KANK1: variants seen among roughly 807,000 people sequenced by gnomAD.
KANK1 encodes KN motif and ankyrin repeat domain-containing protein 1.
KANK1 carries 109 observed loss-of-function variants against 106.2 expected under a neutral mutation model. That is an observed-to-expected ratio of 1.03 (90% CI 0.88 to 1.20). KANK1 has a LOEUF of 1.20. Among genes scored for constraint, KANK1 ranks in the 50% most tolerant of loss-of-function variants. KANK1 has a pLI of 0.00. For synonymous variants in KANK1, 873 were observed against 652.2 expected (o/e 1.34, Z -5.16); for missense variants, 2,399 against 1,710.7 (o/e 1.40, Z -7.10).
intron 1 of KANK1, among the ~76,000 whole-genome samples, chr9:641,865 G>A (rs769940276): frequency 1.3e-5 from 2 of 152,028 alleles, no homozygotes; most frequent in Admixed American, 6.6e-5. Flanking sequence ...TAAAGTATAC[G>A]ATGCAATGGT....
chr9:590,293 G>C (rs189398115), intron 1 of KANK1, among the ~76,000 whole-genome samples: 12 of 151,178 alleles, frequency 7.9e-5, no homozygotes, highest in Admixed American at 2.0e-4. Flanking sequence ...GTGAAGTGAG[G>C]AGATGATAGA....
chr9:663,769 C>T (rs1563948490), intron 1 of KANK1, among the ~76,000 whole-genome samples: 2 of 152,204 alleles, frequency 1.3e-5, no homozygotes, highest in African/African-American at 2.4e-5. Context: ...AAAGCATTTG[C>T]AGGCTCTGAG....
intron 2 of KANK1, among the ~76,000 whole-genome samples, chr9:691,611 A>ATTTTTTTCTTTT (rs1554684788): frequency 1.4e-5 from 1 of 71,082 alleles, no homozygotes; most frequent in African/African-American, 4.6e-5. Flanking sequence ...TAATACCAGA[A>ATTTTTTTCTTTT]TTTTTTTTTT....
At chr9:510,705 C>G (rs1357639840) in intron 1 of KANK1, among the ~76,000 whole-genome samples, 1 of 152,164 alleles carries the variant, frequency 6.6e-6, no homozygotes, top group Non-Finnish European at 1.5e-5. Context: ...AATAAATGAA[C>G]TAATATATAG....
intron 8 of KANK1, among the ~76,000 whole-genome samples, chr9:739,868 G>A (rs1433124343): frequency 2.6e-5 from 4 of 151,940 alleles, no homozygotes; most frequent in African/African-American, 9.7e-5. Flanking sequence ...CAAAGTCCGA[G>A]GTGCTAAGGA....
intron 3 of KANK1, among the ~76,000 whole-genome samples, chr9:720,636 G>GTT (rs979658726): frequency 7.9e-5 from 12 of 152,148 alleles, no homozygotes; most frequent in Non-Finnish European, 1.6e-4. Context: ...GATTACAGGC[G>GTT]TAAGCCAATG....
At chr9:507,033 C>G (rs1179963219) in intron 1 of KANK1, among the ~76,000 whole-genome samples, 3 of 152,072 alleles carry the variant, frequency 2.0e-5, no homozygotes, top group Admixed American at 2.0e-4. Context: ...TATGCAACAT[C>G]CACTACACTT....
At chr9:528,409 C>T (rs1002218614) in intron 1 of KANK1, among the ~76,000 whole-genome samples, 3 of 150,518 alleles carry the variant, frequency 2.0e-5, no homozygotes, top group African/African-American at 7.3e-5. Flanking sequence ...CTTTTTATTC[C>T]ATTTTCTGGT....
At chr9:588,645 C>G (rs190839117) in intron 1 of KANK1, among the ~76,000 whole-genome samples, 3 of 152,134 alleles carry the variant, frequency 2.0e-5, no homozygotes, top group Admixed American at 2.0e-4. Flanking sequence ...TCCATATTAT[C>G]TCTTGCCTCT....
At chr9:684,091 C>T (rs1173805942) in intron 2 of KANK1, 1 of 874,422 alleles carries the variant, frequency 1.1e-6, no homozygotes, top group Non-Finnish European at 1.4e-6. Flanking sequence ...TTTTGAAAAG[C>T]CCCTGGCTCA....
In KANK1 at chr9:711,638, T is replaced by C; in HGVS notation, c.872T>C (p.Ile291Thr). Residue 291 changes from isoleucine to threonine, a missense_variant, in exon 3 of 12, where the codon ATC (isoleucine) becomes ACC (threonine). Transcript: ENST00000382297. ...VRTIPVLQVK[I>T]SVLQEEKRQL... is the part of the protein sequence containing the mutation. ...ACCATCCCTGTGCTCCAGGTAAAGA[T>C]CTCTGTCTTGCAAGAAGAGAAAAGG... 4 of 1,613,950 alleles carry C rather than the reference T, an allele frequency of 2.5e-6. No individual in the cohort carries two copies. Among genetic ancestry groups the C allele is most frequent in the Non-Finnish European group, 2.5e-6 (3 of 1,179,972 alleles).
At chr9:734,651 G>C (rs958269086) in intron 6 of KANK1, 97 bp from the exon 7 acceptor site, 2 of 799,322 alleles carry the variant, frequency 2.5e-6, no homozygotes, top group Non-Finnish European at 4.1e-6. Context: ...GGGCGACAGA[G>C]CATGACCCTG....
chr9:647,080 G>C (rs1489347609), intron 1 of KANK1, among the ~76,000 whole-genome samples: 1 of 151,110 alleles, frequency 6.6e-6, no homozygotes, highest in African/African-American at 2.5e-5. Flanking sequence ...CCATCCCCAT[G>C]ACTTTGTTAT....
intron 1 of KANK1, among the ~76,000 whole-genome samples, chr9:534,498 G>T (rs1372569428): frequency 2.6e-5 from 4 of 152,178 alleles, no homozygotes; most frequent in Admixed American, 2.6e-4. Context: ...CAAAAAATCT[G>T]GACCATGTTG....
chr9:619,908 G>A (rs758692279), intron 1 of KANK1, among the ~76,000 whole-genome samples: 1 of 152,018 alleles, frequency 6.6e-6, no homozygotes, highest in Non-Finnish European at 1.5e-5. Flanking sequence ...AGTCTGAGGC[G>A]AGCAGATCAC....
intron 1 of KANK1, among the ~76,000 whole-genome samples, chr9:537,186 A>C (rs1425526203): frequency 1.3e-5 from 2 of 152,212 alleles, no homozygotes; most frequent in Admixed American, 1.3e-4. Context: ...TCCTTTGAAA[A>C]CAAAGCTAAG....
chr9:620,889 C>T (rs777235417), intron 1 of KANK1, among the ~76,000 whole-genome samples: 1 of 152,074 alleles, frequency 6.6e-6, no homozygotes, highest in Non-Finnish European at 1.5e-5. Context: ...AACAATTTTA[C>T]TCTTAACCAA....
At chr9:713,857 C>G (rs937432176) in intron 3 of KANK1, among the ~76,000 whole-genome samples, 1 of 152,138 alleles carries the variant, frequency 6.6e-6, no homozygotes, top group Non-Finnish European at 1.5e-5. Context: ...AGTATATTAG[C>G]AATTGAAATA....
chr9:726,449 G>T (rs1424526206), intron 3 of KANK1, among the ~76,000 whole-genome samples: 1 of 152,056 alleles, frequency 6.6e-6, no homozygotes, highest in Admixed American at 6.6e-5. Context: ...GTCCAACCTG[G>T]CCAACATGGT....
Sources: gnomAD v4.1 joint callset for allele counts (sites outside exome capture counted in the v4.1 genomes callset) on GRCh38, gnomAD v4.1.1 for gene constraint, MANE v1.5 for transcripts, NCBI Gene and HGNC (gene_info 2026-07-23, HGNC 2026-07-21) for gene names.